B3GALT1: variants seen among roughly 807,000 people sequenced by gnomAD.
B3GALT1 encodes the protein UDP-Gal:betaGlcNAc beta 1,3-galactosyltransferase, polypeptide 1.
In B3GALT1, 10 loss-of-function variants were observed where a neutral mutation model predicts 23.2. The observed-to-expected ratio is 0.43, with a 90% CI of 0.27 to 0.73. The LOEUF (loss-of-function observed/expected upper bound fraction) is 0.73. B3GALT1 is among the 30% of genes least tolerant of loss of function. The pLI is 0.21. For synonymous variants in B3GALT1, 156 were observed against 141.5 expected, an observed-to-expected ratio of 1.10 and a Z score of -0.73; for missense variants, 299 against 405.4, an observed-to-expected ratio of 0.74 and a Z score of 2.25.
At chr2:167,306,109 A>G (rs1383166843) in intron 1 of B3GALT1, among the ~76,000 whole-genome samples, 1 of 152,094 alleles carries the variant, frequency 6.6e-6, no homozygotes, top group Non-Finnish European at 1.5e-5. Context: ...AGGAAATAGT[A>G]CAAAATATGG....
At chr2:167,499,158 C>T (rs1297565719) in intron 2 of B3GALT1, among the ~76,000 whole-genome samples, 2 of 152,136 alleles carry the variant, frequency 1.3e-5, no homozygotes, top group Non-Finnish European at 2.9e-5. Flanking sequence ...CTCAACTCCA[C>T]AATTAACTTG....
chr2:167,603,684 G>A (rs113227202), intron 2 of B3GALT1, among the ~76,000 whole-genome samples: 29 of 152,246 alleles, frequency 1.9e-4, no homozygotes, highest in African/African-American at 5.3e-4. Context: ...GCAGCCAGTT[G>A]CCTCTATATG....
chr2:167,710,104 G>A (rs1321985745), intron 3 of B3GALT1, among the ~76,000 whole-genome samples: 1 of 152,134 alleles, frequency 6.6e-6, no homozygotes, highest in Non-Finnish European at 1.5e-5. Context: ...CCCCTAAAGA[G>A]AAGAATTTTA....
chr2:167,551,241 A>G (rs183609158), intron 2 of B3GALT1, among the ~76,000 whole-genome samples: 2 of 152,354 alleles, frequency 1.3e-5, no homozygotes, highest in African/African-American at 2.4e-5. Flanking sequence ...CCACCAAATT[A>G]CTGTTACCTG....
At chr2:167,427,152 T>C (rs1698634035) in intron 1 of B3GALT1, among the ~76,000 whole-genome samples, 1 of 152,162 alleles carries the variant, frequency 6.6e-6, no homozygotes, top group African/African-American at 2.4e-5. Context: ...ACTAAACTAT[T>C]GTTTAGGTAA....
chr2:167,778,711 T>G (rs1274804526), intron 3 of B3GALT1, among the ~76,000 whole-genome samples: 1 of 152,254 alleles, frequency 6.6e-6, no homozygotes, highest in Non-Finnish European at 1.5e-5. Context: ...ATGTTTTCTT[T>G]TAGACCACAT....
At chr2:167,523,233 A>G (rs1683137556) in intron 2 of B3GALT1, among the ~76,000 whole-genome samples, 2 of 152,200 alleles carry the variant, frequency 1.3e-5, no homozygotes, top group Admixed American at 6.5e-5. Flanking sequence ...ATCTGAAAGA[A>G]TGACTTCTAT....
intron 2 of B3GALT1, among the ~76,000 whole-genome samples, chr2:167,561,717 A>G (rs1683995444): frequency 6.6e-6 from 1 of 152,240 alleles, no homozygotes; most frequent in Admixed American, 6.5e-5. Flanking sequence ...AGAAATGGAT[A>G]AATTCCTTGA....
chr2:167,802,138 T>A (rs1194447739), intron 3 of B3GALT1, among the ~76,000 whole-genome samples: 2 of 152,246 alleles, frequency 1.3e-5, no homozygotes, highest in Admixed American at 1.3e-4. Flanking sequence ...GTAGCCACAC[T>A]ACAAGTGATA....
chr2:167,471,229 C>T (rs1051091151), intron 1 of B3GALT1, among the ~76,000 whole-genome samples: 10 of 152,046 alleles, frequency 6.6e-5, no homozygotes, highest in African/African-American at 2.4e-4. Flanking sequence ...AGTAAAAATA[C>T]GTGCATTTCA....
At chr2:167,808,088 G>A (rs534242738) in intron 3 of B3GALT1, among the ~76,000 whole-genome samples, 1 of 151,646 alleles carries the variant, frequency 6.6e-6, no homozygotes, top group African/African-American at 2.4e-5. Context: ...ATCTTTGTTG[G>A]TTTAAAGTCT....
intron 3 of B3GALT1, chr2:167,713,805 G>A (rs1238768510): frequency 1.3e-6 from 2 of 1,593,170 alleles, no homozygotes; most frequent in African/African-American, 1.3e-5. Context: ...CCCCTCTGTG[G>A]ATAGATGTTT....
intron 3 of B3GALT1, among the ~76,000 whole-genome samples, chr2:167,721,126 T>G (rs1445692225): frequency 6.6e-6 from 1 of 152,146 alleles, no homozygotes; most frequent in African/African-American, 2.4e-5. Flanking sequence ...AGCCAGAAAA[T>G]GCTGTGCAGG....
At chr2:167,809,560 G>T (rs62195008) in intron 3 of B3GALT1, among the ~76,000 whole-genome samples, 1 of 152,218 alleles carries the variant, frequency 6.6e-6, no homozygotes, top group African/African-American at 2.4e-5. Flanking sequence ...TCCAGACCCT[G>T]TTTGCCTGGG....
At chr2:167,507,919 A>G (rs1699945944) in intron 2 of B3GALT1, among the ~76,000 whole-genome samples, 1 of 152,104 alleles carries the variant, frequency 6.6e-6, no homozygotes, top group Non-Finnish European at 1.5e-5. Context: ...ACTGAAATTT[A>G]TTTCTTACCA....
chr2:167,506,067 A>C (rs1699912969), intron 2 of B3GALT1, among the ~76,000 whole-genome samples: 1 of 152,148 alleles, frequency 6.6e-6, no homozygotes, highest in South Asian at 2.1e-4. Context: ...CAAAAAAAAA[A>C]GACAGAGATA....
chr2:167,719,360 G>A (rs538468766), intron 3 of B3GALT1, among the ~76,000 whole-genome samples: 4 of 152,280 alleles, frequency 2.6e-5, no homozygotes, highest in African/African-American at 4.8e-5. Flanking sequence ...GGCAGATTCC[G>A]CGAATGTGTG....
intron 3 of B3GALT1, among the ~76,000 whole-genome samples, chr2:167,652,578 G>C (rs1325397709): frequency 6.6e-6 from 1 of 152,184 alleles, no homozygotes; most frequent in African/African-American, 2.4e-5. Flanking sequence ...TTGTGGTTAA[G>C]AGTCTGGTGT....
chr2:167,739,957 G>A (rs185130241), intron 3 of B3GALT1, among the ~76,000 whole-genome samples: 6 of 150,776 alleles, frequency 4.0e-5, no homozygotes, highest in Admixed American at 1.3e-4. Flanking sequence ...AAAAAATCTA[G>A]GCGTGGTGGT....
Sources: gnomAD v4.1 joint callset for allele counts (sites outside exome capture counted in the v4.1 genomes callset) on GRCh38, gnomAD v4.1.1 for gene constraint, MANE v1.5 for transcripts, NCBI Gene and HGNC (gene_info 2026-07-23, HGNC 2026-07-21) for gene names.